The following TACR2 variants were observed in gnomAD, a reference collection of about 807,000 sequenced individuals.
TACR2 encodes the protein tachykinin receptor 2, also known as substance-K receptor.
A neutral mutation model predicts 28.9 loss-of-function variants in TACR2; 24 were observed. The observed-to-expected ratio is 0.83, with a 90% CI of 0.60 to 1.17. The LOEUF is 1.17. Ranked by LOEUF, TACR2 falls within the 50% of genes most tolerant of loss-of-function variation. The pLI, the probability that TACR2 is intolerant of heterozygous loss-of-function variation, is 0.00. For synonymous variants in TACR2, 222 were observed against 212.6 expected, an observed-to-expected ratio of 1.04 and a Z score of -0.38; for missense variants, 487 against 524.4, an observed-to-expected ratio of 0.93 and a Z score of 0.70.
At position 69,416,265 on chromosome 10, in the gene TACR2, G is replaced by A. The variant is rs372747490; in HGVS notation, c.59C>T (p.Thr20Ile). 7 of 1,612,636 alleles carry A rather than the reference G, an allele frequency of 4.3e-6. No homozygotes were observed. Among genetic ancestry groups the A allele is most frequent in the East Asian group, 2.2e-5 (1 of 44,854 alleles). The change falls in exon 1 of 5, where the codon ACC becomes ATC. Residue 20 changes from threonine to isoleucine, a missense_variant. Physicochemically the swap from Thr to Ile is moderately conservative, Grantham distance 89. Coordinates refer to ENST00000373306, the MANE Select transcript of TACR2 (RefSeq NM_001057.3). ...ANISSGPESNTTGITAFSMPS... is the reference protein window; with the variant it reads ...ANISSGPESNITGITAFSMPS... ...CATGGAGAAGGCTGTGATGCCCGTG[G>A]TGTTGCTCTCAGGGCCAGATGAGAT... is the stretch of plus-strand genomic sequence containing the variant.
chr10:69,415,486 C>T (rs561813617), intron 1 of TACR2, among the ~76,000 whole-genome samples: 29 of 152,230 alleles, frequency 1.9e-4, no homozygotes, highest in African/African-American at 6.3e-4. Context: ...CCCTGAGCAG[C>T]GTTGGGAAAA....
intron 3 of TACR2, among the ~76,000 whole-genome samples, chr10:69,408,239 T>A (rs1345077744): frequency 1.3e-5 from 2 of 152,122 alleles, no homozygotes; most frequent in African/African-American, 2.4e-5. Flanking sequence ...AACTATCTGG[T>A]CTCCACGACC....
intron 3 of TACR2, among the ~76,000 whole-genome samples, chr10:69,408,503 C>T (rs1175035295): frequency 6.6e-6 from 1 of 151,398 alleles, no homozygotes; most frequent in Non-Finnish European, 1.5e-5. Context: ...AACGGGGTCT[C>T]GCTATGTTGC....
At chr10:69,412,843 T>C (rs994779674) in intron 2 of TACR2, among the ~76,000 whole-genome samples, 1 of 152,184 alleles carries the variant, frequency 6.6e-6, no homozygotes, top group African/African-American at 2.4e-5. Flanking sequence ...TTGTTTGTTT[T>C]GTTTTGAGAC....
intron 2 of TACR2, among the ~76,000 whole-genome samples, chr10:69,410,041 A>G (rs570529740): frequency 2.0e-5 from 3 of 151,512 alleles, no homozygotes; most frequent in South Asian, 2.1e-4. Flanking sequence ...AAAGCGCCAT[A>G]TATCACATGC....
intron 2 of TACR2, among the ~76,000 whole-genome samples, chr10:69,414,347 GT>G (rs1279894989): frequency 6.6e-6 from 1 of 152,226 alleles, no homozygotes; most frequent in African/African-American, 2.4e-5. Context: ...GCCTACACAT[GT>G]CCCTAACACG....
chr10:69,410,540 G>A lies in TACR2; in HGVS notation c.588-1465C>T, dbSNP rs79573672. Among the ~76,000 whole-genome samples, 41 of 122,144 alleles carry A rather than the reference G, an allele frequency of 3.4e-4. 10 individuals carry two copies. Among genetic ancestry groups the A allele is most frequent in the Non-Finnish European group, 5.6e-4 (31 of 55,302 alleles). The allele number at this position is 122,144 out of a possible 152,430, so 80.1% of individuals were successfully genotyped here. On this transcript the variant is annotated intron_variant, in intron 2 of 4. Coordinates refer to ENST00000373306, the MANE Select transcript of TACR2 (RefSeq NM_001057.3). ...TGTCAAAAAAAAAAAACAAAAAAACGACAGTGTCCCCAGTTCTCAGATCTC... is the reference window on the plus strand; with the variant it reads ...TGTCAAAAAAAAAAAACAAAAAAACAACAGTGTCCCCAGTTCTCAGATCTC...
Position 69,405,000 on chromosome 10 carries a change from C to G in TACR2, c.1023G>C (p.Thr341=). The G allele has an allele frequency of 1.2e-6, 2 of 1,614,164 alleles. No individual in the cohort carries two copies. Among genetic ancestry groups the G allele is most frequent in the Middle Eastern group, 1.6e-4 (1 of 6,062 alleles). ...TGTTGACTCTCGTGGAGAGGGAGGT[C>G]GTGGGAGTCAGCTCGAGCTTATCTT... The part of the protein sequence containing the change: ...TKEDKLELTP[T]TSLSTRVNRC... Residue 341 remains threonine, a synonymous_variant, in exon 5 of 5, where the codon ACG becomes ACC. Transcript: ENST00000373306.
intron 2 of TACR2, among the ~76,000 whole-genome samples, chr10:69,409,923 A>ATACATATATATATATATATG (rs1840553566): frequency 1.3e-5 from 1 of 76,464 alleles, no homozygotes; most frequent in Admixed American, 1.3e-4. Context: ...ATATATATAT[A>ATACATATATATATATATATG]TATATATATA....
intron 2 of TACR2, among the ~76,000 whole-genome samples, chr10:69,413,541 T>A (rs1201364284): frequency 6.6e-6 from 1 of 152,016 alleles, no homozygotes; most frequent in East Asian, 1.9e-4. Context: ...GAGGGTGGGG[T>A]GCAGGGAGGG....
At chr10:69,415,162 GC>G (rs757826293) in intron 1 of TACR2, 23 bp from the exon 2 acceptor site, 3 of 1,597,688 alleles carry the variant, frequency 1.9e-6, no homozygotes, top group Non-Finnish European at 8.5e-7. Flanking sequence ...GGCAGCTTGA[GC>G]GGCAGGGGCC....
Position 69,415,924 on chromosome 10 carries a change from C to A in TACR2, c.392+8G>T. 1.9e-6 allele frequency: 3 copies of A among 1,611,432 alleles called. No individual in the cohort carries two copies. Among genetic ancestry groups the A allele is most frequent in the South Asian group, 1.1e-5 (1 of 90,950 alleles). Reference sequence around the variant, plus strand: ...GGCTCCCCCCAGCTTCCCCAAGGACCCTCTTGCCTGTCGGCAGCAATGGCG... The same window carrying A: ...GGCTCCCCCCAGCTTCCCCAAGGACACTCTTGCCTGTCGGCAGCAATGGCG... On this transcript the variant is annotated splice_region_variant and intron_variant, in intron 1 of 4. Coordinates refer to ENST00000373306, the MANE Select transcript of TACR2 (RefSeq NM_001057.3).
intron 2 of TACR2, among the ~76,000 whole-genome samples, chr10:69,414,149 G>T (rs1840591363): frequency 1.3e-5 from 2 of 152,146 alleles, no homozygotes; most frequent in Non-Finnish European, 1.5e-5. Context: ...AATGGAGAAA[G>T]GACTCACCCA....
rs750323573 is a variant in TACR2 at position 69,407,300 on chromosome 10, A to G, written c.742-20T>C. 3 of 1,594,522 alleles carry G rather than the reference A, an allele frequency of 1.9e-6. No homozygotes were observed. The Admixed American group carries it at 5.3e-5, about 28-fold the overall frequency. ...CACAAACTGGTCCAGGAGAGGCTCA[A>G]GTTACTTCTTAGTGCCCAAGCCCCA... On this transcript the variant is annotated intron_variant, in intron 3 of 4. Transcript: ENST00000373306.
chr10:69,406,756 C>T (rs1486443556), intron 4 of TACR2, among the ~76,000 whole-genome samples: 1 of 152,202 alleles, frequency 6.6e-6, no homozygotes. Context: ...ACTCTCCCCT[C>T]CCCTTCATCT....
chr10:69,409,441 C>T (rs1444987071), intron 2 of TACR2, among the ~76,000 whole-genome samples: 1 of 152,144 alleles, frequency 6.6e-6, no homozygotes, highest in African/African-American at 2.4e-5. Context: ...ATCCCACTCC[C>T]ACCACTATTA....
At chr10:69,406,861 C>T (rs923819368) in intron 4 of TACR2, among the ~76,000 whole-genome samples, 7 of 152,126 alleles carry the variant, frequency 4.6e-5, no homozygotes, top group Middle Eastern at 3.2e-3. Context: ...GCCTGGGAGA[C>T]GGTGAGGATT....
chr10:69,407,339 G>A (rs1440301580), intron 3 of TACR2, 59 bp from the exon 4 acceptor site: 90 of 1,531,168 alleles, frequency 5.9e-5, no homozygotes, highest in East Asian at 4.6e-4. Flanking sequence ...CCAGCCCTCC[G>A]AGGGCAGACA....
intron 4 of TACR2, among the ~76,000 whole-genome samples, chr10:69,406,310 T>G (rs777789502): frequency 6.6e-6 from 1 of 152,228 alleles, no homozygotes; most frequent in Non-Finnish European, 1.5e-5. Context: ...AGGCCTGCTC[T>G]GCAGAACTCC....
Sources: gnomAD v4.1 joint callset for allele counts (sites outside exome capture counted in the v4.1 genomes callset) on GRCh38, gnomAD v4.1.1 for gene constraint, MANE v1.5 for transcripts, NCBI Gene and HGNC (gene_info 2026-07-23, HGNC 2026-07-21) for gene names.